Variants in FXN observed in about 807,000 individuals in gnomAD.
FXN encodes the protein frataxin.
Under a neutral mutation model 22.4 loss-of-function variants are expected in FXN, and 14 were observed. The ratio of observed to expected loss-of-function variants is 0.62; its 90% confidence interval spans 0.41 to 0.98. FXN has a LOEUF of 0.98. Among genes scored for constraint, FXN ranks in the 50% least tolerant of loss-of-function variants. The probability of loss-of-function intolerance (pLI) is 0.00; values close to 1 mark genes in which losing one functional copy is unlikely to be tolerated. For missense variants in FXN, 267 were observed against 268.4 expected (o/e 0.99, Z 0.04); for synonymous variants, 120 against 114.1 (o/e 1.05, Z -0.33).
intron 1 of FXN, among the ~76,000 whole-genome samples, chr9:69,038,446 GAAAA>G (rs776815324): frequency 2.0e-5 from 3 of 149,888 alleles, no homozygotes; most frequent in Non-Finnish European, 3.0e-5. Context: ...TAGTTAAAAA[GAAAA>G]AAAAATCATT....
intron 1 of FXN, among the ~76,000 whole-genome samples, chr9:69,037,573 C>G (rs556602958): frequency 6.6e-6 from 1 of 152,214 alleles, no homozygotes; most frequent in African/African-American, 2.4e-5. Context: ...TCTAGGAAAG[C>G]AGACATTTAT....
At chr9:69,046,363 A>G (rs1401753010) in intron 1 of FXN, 22 bp from the exon 2 acceptor site, 2 of 1,573,508 alleles carry the variant, frequency 1.3e-6, no homozygotes, top group African/African-American at 2.7e-5. Context: ...ATAGTAACGT[A>G]CTTCTTAACT....
intron 2 of FXN, among the ~76,000 whole-genome samples, chr9:69,051,259 C>T (rs1831844645): frequency 6.6e-6 from 1 of 152,140 alleles, no homozygotes; most frequent in Admixed American, 6.5e-5. Context: ...CCATGCCCAG[C>T]TAATTTTTTA....
chr9:69,038,252 A>G (rs1051176020), intron 1 of FXN, among the ~76,000 whole-genome samples: 2 of 152,090 alleles, frequency 1.3e-5, no homozygotes, highest in Non-Finnish European at 2.9e-5. Flanking sequence ...CATCCTGTTT[A>G]ATTATTTTAA....
intron 2 of FXN, among the ~76,000 whole-genome samples, chr9:69,051,373 C>T (rs1006545147): frequency 6.6e-6 from 1 of 152,050 alleles, no homozygotes; most frequent in Non-Finnish European, 1.5e-5. Flanking sequence ...TGAGCCACTG[C>T]ACCCAGCCCA....
intron 2 of FXN, among the ~76,000 whole-genome samples, chr9:69,047,336 G>GACAC (rs1028907172): frequency 2.5e-4 from 36 of 146,770 alleles, no homozygotes; most frequent in African/African-American, 8.1e-4. Flanking sequence ...CACAGACACA[G>GACAC]ACACACACAC....
intron 1 of FXN, among the ~76,000 whole-genome samples, chr9:69,037,256 T>C (rs1831568093): frequency 1.3e-5 from 1 of 75,030 alleles, no homozygotes; most frequent in Non-Finnish European, 2.8e-5. Context: ...AAACCCAGTA[T>C]CTACTAAAAA....
chr9:69,066,312 A>G (rs1832164907), intron 4 of FXN, among the ~76,000 whole-genome samples: 1 of 152,186 alleles, frequency 6.6e-6, no homozygotes, highest in Non-Finnish European at 1.5e-5. Flanking sequence ...TAACATTGAC[A>G]TCATTTTTAG....
intron 3 of FXN, among the ~76,000 whole-genome samples, chr9:69,062,660 T>TA (rs910500247): frequency 6.6e-6 from 1 of 151,884 alleles, no homozygotes; most frequent in Non-Finnish European, 1.5e-5. Context: ...TATTTTCAAT[T>TA]AAAAAAACAT....
intron 3 of FXN, among the ~76,000 whole-genome samples, chr9:69,062,322 T>A (rs2133123817): frequency 6.6e-6 from 1 of 152,258 alleles, no homozygotes; most frequent in Non-Finnish European, 1.5e-5. Flanking sequence ...TGTTGCCCAG[T>A]CTGGTCTTGA....
At chr9:69,070,277 C>T (rs964843188) in intron 4 of FXN, among the ~76,000 whole-genome samples, 13 of 152,044 alleles carry the variant, frequency 8.6e-5, no homozygotes, top group Admixed American at 4.6e-4. Context: ...GGAGGGCCGC[C>T]GTGTCCATTG....
chr9:69,048,797 A>G (rs1226890603), intron 2 of FXN, among the ~76,000 whole-genome samples: 1 of 152,190 alleles, frequency 6.6e-6, no homozygotes, highest in African/African-American at 2.4e-5. Context: ...CTCAGTAGGC[A>G]TACAGTTGGC....
At chr9:69,059,889 A>G (rs1239603682) in intron 3 of FXN, among the ~76,000 whole-genome samples, 1 of 152,238 alleles carries the variant, frequency 6.6e-6, no homozygotes, top group Non-Finnish European at 1.5e-5. Flanking sequence ...TTAAAATGGC[A>G]TAGGTAAAAG....
chr9:69,042,233 G>A (rs1352705744), intron 1 of FXN, among the ~76,000 whole-genome samples: 10 of 126,960 alleles, frequency 7.9e-5, no homozygotes, highest in Admixed American at 6.1e-4. Flanking sequence ...GCAAGACTCC[G>A]TCTCAGAAAA....
At chr9:69,039,478 G>A (rs1160304467) in intron 1 of FXN, among the ~76,000 whole-genome samples, 1 of 150,574 alleles carries the variant, frequency 6.6e-6, no homozygotes, top group Non-Finnish European at 1.5e-5. Flanking sequence ...CACAGAAACG[G>A]CTTTTAAAAG....
In FXN at chr9:69,053,181, C is replaced by T. The variant is rs964046026; in HGVS notation, c.305C>T (p.Thr102Met). 7 of 1,613,810 alleles carry T rather than the reference C, an allele frequency of 4.3e-6. No individual in the cohort carries two copies. Among genetic ancestry groups the T allele is most frequent in the Non-Finnish European group, 5.9e-6 (7 of 1,179,930 alleles). The change falls in exon 3 of 5, where the codon ACG becomes ATG. Residue 102 changes from threonine (T) to methionine (M), a missense_variant. Physicochemically the swap from Thr to Met is moderately conservative, Grantham distance 81 (BLOSUM62 -1). Coordinates refer to ENST00000484259, the MANE Select transcript of FXN (RefSeq NM_000144.5). ...ETTYERLAEETLDSLAEFFED... is the reference protein window; with the variant it reads ...ETTYERLAEEMLDSLAEFFED... ...ACCTATGAAAGACTAGCAGAGGAAA[C>T]GCTGGACTCTTTAGCAGAGTTTTTT...
At chr9:69,067,362 T>A (rs1832186850) in intron 4 of FXN, among the ~76,000 whole-genome samples, 1 of 152,272 alleles carries the variant, frequency 6.6e-6, no homozygotes, top group Non-Finnish European at 1.5e-5. Context: ...AGGCACAGGA[T>A]TCCGCGGGAA....
At position 69,038,430 on chromosome 9, in the gene FXN, A is replaced by G. The variant is rs565222974; in HGVS notation, c.165+2483A>G. ...ATGGGAGCCACACACATAATTCTAC[A>G]TTTTCTAGTTAAAAAGAAAAAAAAA... is the stretch of plus-strand genomic sequence containing the variant. On this transcript the variant is annotated intron_variant, in intron 1 of 4. Transcript: ENST00000484259. 2.0e-5 allele frequency among the ~76,000 whole-genome samples: 3 copies of G among 152,176 alleles called. No individual in the cohort carries two copies. In the South Asian group the frequency reaches 6.2e-4, roughly 32 times the overall value.
intron 2 of FXN, among the ~76,000 whole-genome samples, chr9:69,047,342 C>CAGACACAAG (rs1466372984): frequency 4.7e-5 from 7 of 148,244 alleles, no homozygotes; most frequent in African/African-American, 1.8e-4. Flanking sequence ...CACAGACACA[C>CAGACACAAG]ACACACAGAC....
Sources: allele counts gnomAD v4.1 joint callset (sites outside exome capture counted in the v4.1 genomes callset), GRCh38; gene constraint gnomAD v4.1.1; transcripts MANE v1.5; gene names NCBI Gene and HGNC (gene_info 2026-07-23, HGNC 2026-07-21).